MBNL1: variants seen among roughly 807,000 people sequenced by gnomAD.
MBNL1 encodes muscleblind like splicing regulator 1, also known as muscleblind-like protein 1.
In MBNL1, 8 loss-of-function variants were observed where a neutral mutation model predicts 42.2. The observed-to-expected ratio is 0.19, with a 90% CI of 0.11 to 0.34. MBNL1 has a LOEUF of 0.34. Among genes scored for constraint, MBNL1 ranks in the 10% least tolerant of loss-of-function variants. The pLI, the probability that MBNL1 is intolerant of heterozygous loss-of-function variation, is 1.00. For missense variants in MBNL1, 309 were observed against 495.3 expected (o/e 0.62, Z 3.57); for synonymous variants, 169 against 173.9 (o/e 0.97, Z 0.22).
chr3:152,252,024 G>T (rs1343495721), intron 2 of MBNL1, among the ~76,000 whole-genome samples: 1 of 151,942 alleles, frequency 6.6e-6, no homozygotes, highest in African/African-American at 2.4e-5. Context: ...GTATCTGTTT[G>T]TTACTGGTAT....
intron 2 of MBNL1, among the ~76,000 whole-genome samples, chr3:152,342,573 C>T (rs2093516206): frequency 6.6e-6 from 1 of 151,554 alleles, no homozygotes; most frequent in South Asian, 2.1e-4. Context: ...CACACACACA[C>T]ACACACACAC....
chr3:152,407,047 C>CTGTGTGTG lies in MBNL1; in HGVS notation c.175-7876_175-7869dup, dbSNP rs373321399. On this transcript the variant is annotated intron_variant, in intron 2 of 9. Coordinates refer to ENST00000324210, the MANE Select transcript of MBNL1 (RefSeq NM_021038.5). ...GGCAGTCTCAATAATTGTTAAGCCA[C>CTGTGTGTG]TGTGTGTGTGTGTGTGTGTGTGTGT... 9.0e-4 allele frequency among the ~76,000 whole-genome samples: 61 copies of CTGTGTGTG among 67,676 alleles called. 1 individual carries two copies. Among genetic ancestry groups the CTGTGTGTG allele is most frequent in the African/African-American group, 3.4e-3 (58 of 17,212 alleles). 44.4% of individuals were successfully genotyped at this position (67,676 alleles called of 152,430 possible).
At chr3:152,443,084 T>C (rs185214779) in intron 4 of MBNL1, among the ~76,000 whole-genome samples, 39 of 152,262 alleles carry the variant, frequency 2.6e-4, no homozygotes, top group African/African-American at 8.7e-4. Context: ...TTCTTAGTTA[T>C]TAAGTCTGCT....
intron 2 of MBNL1, among the ~76,000 whole-genome samples, chr3:152,254,247 A>G (rs1270640257): frequency 2.0e-5 from 3 of 152,138 alleles, no homozygotes; most frequent in Non-Finnish European, 2.9e-5. Flanking sequence ...GAGACAACAA[A>G]TAGACAGAGA....
chr3:152,302,917 G>A (rs2061329536), intron 2 of MBNL1, among the ~76,000 whole-genome samples: 1 of 151,930 alleles, frequency 6.6e-6, no homozygotes, highest in African/African-American at 2.4e-5. Context: ...AGGACCCTAT[G>A]AAATGGCTGT....
Position 152,367,458 on chromosome 3 carries a change from TTACTA to T in MBNL1, c.175-47480_175-47476del, listed in dbSNP as rs554652039. ...GGGCATTTGGATCGGTTCCAAGTCTTTACTATAGGGAATAGTGCTGCAATAAATAT... is the reference window on the plus strand; with the variant it reads ...GGGCATTTGGATCGGTTCCAAGTCTTTAGGGAATAGTGCTGCAATAAATAT... On this transcript the variant is annotated intron_variant, in intron 2 of 9. Transcript: ENST00000324210. Among the ~76,000 whole-genome samples the T allele has an allele frequency of 6.3e-3, 961 of 152,336 alleles. 9 individuals carry two copies. Among genetic ancestry groups the T allele is most frequent in the African/African-American group, 0.022 (918 of 41,572 alleles).
In MBNL1 at chr3:152,372,193, C is replaced by T. The variant is rs549022396; in HGVS notation, c.175-42748C>T. ...TCTCTAGACTGGTTATTCTAGTTAG[C>T]AATTCTTCTAACCTTCTTTCAAGGT... On this transcript the variant is annotated intron_variant, in intron 2 of 9. Coordinates refer to ENST00000324210, the MANE Select transcript of MBNL1 (RefSeq NM_021038.5). 2.0e-5 allele frequency among the ~76,000 whole-genome samples: 3 copies of T among 152,294 alleles called. No individual in the cohort carries two copies. The East Asian group carries it at 5.8e-4, about 29-fold the overall frequency.
intron 2 of MBNL1, among the ~76,000 whole-genome samples, chr3:152,313,187 T>A (rs371935587): frequency 6.6e-6 from 1 of 152,256 alleles, no homozygotes; most frequent in East Asian, 1.9e-4. Context: ...CACACCTGGC[T>A]GATTTTTTTT....
intron 1 of MBNL1, among the ~76,000 whole-genome samples, chr3:152,286,016 G>A (rs1308010207): frequency 6.6e-6 from 1 of 151,688 alleles, no homozygotes; most frequent in African/African-American, 2.4e-5. Flanking sequence ...TGTATAGAAT[G>A]TAGCACAAGC....
chr3:152,340,838 C>CCACTTT, intron 2 of MBNL1: 1 of 1,613,932 alleles, frequency 6.2e-7, no homozygotes, highest in Non-Finnish European at 8.5e-7. Flanking sequence ...CCACCTAAAG[C>CCACTTT]AGCCAGTGCT....
intron 2 of MBNL1, among the ~76,000 whole-genome samples, chr3:152,390,952 C>G (rs1397565625): frequency 6.6e-6 from 1 of 152,176 alleles, no homozygotes; most frequent in East Asian, 1.9e-4. Flanking sequence ...TTTCATTTAA[C>G]AAATCTAGAT....
intron 2 of MBNL1, among the ~76,000 whole-genome samples, chr3:152,308,529 T>G (rs1295841769): frequency 2.6e-5 from 4 of 152,164 alleles, no homozygotes; most frequent in Non-Finnish European, 4.4e-5. Flanking sequence ...AGTGAGGAGC[T>G]GGAGTCCAAA....
At chr3:152,258,531 T>C (rs1204909944) in intron 2 of MBNL1, among the ~76,000 whole-genome samples, 1 of 152,212 alleles carries the variant, frequency 6.6e-6, no homozygotes. Flanking sequence ...GAGGTGGGTA[T>C]GCCCTGTTGC....
At chr3:152,271,255 C>G (rs954744324) in intron 1 of MBNL1, among the ~76,000 whole-genome samples, 3 of 152,062 alleles carry the variant, frequency 2.0e-5, no homozygotes, top group African/African-American at 7.2e-5. Flanking sequence ...GCACAGAATT[C>G]CTATGAAATG....
chr3:152,365,652 C>T (rs779351265), intron 2 of MBNL1, among the ~76,000 whole-genome samples: 19 of 151,930 alleles, frequency 1.3e-4, no homozygotes, highest in Non-Finnish European at 2.2e-4. Context: ...TTAATTTTAC[C>T]TGGTGTCTTA....
At chr3:152,406,089 A>C (rs1483071187) in intron 2 of MBNL1, among the ~76,000 whole-genome samples, 1 of 152,204 alleles carries the variant, frequency 6.6e-6, no homozygotes, top group African/African-American at 2.4e-5. Context: ...CTGGGCTTTC[A>C]CAAGGTCATA....
rs1010405885 is a variant in MBNL1 at position 152,332,115 on chromosome 3, G to A, written c.174+31748G>A. On this transcript the variant is annotated intron_variant, in intron 2 of 9. Coordinates refer to ENST00000324210, the MANE Select transcript of MBNL1 (RefSeq NM_021038.5). ...CTATAATGGTTAAGTTGAGCAGTTG[G>A]AATCTGTATGTCTGTATCTATCTAT... is the stretch of plus-strand genomic sequence containing the variant. 3.1e-4 allele frequency among the ~76,000 whole-genome samples: 47 copies of A among 152,312 alleles called. 1 individual carries two copies. The highest frequency in any genetic ancestry group is 6.5e-5 in the Admixed American group (1 of 15,296).
chr3:152,339,348 A>G (rs2092414055), intron 2 of MBNL1, among the ~76,000 whole-genome samples: 1 of 152,110 alleles, frequency 6.6e-6, no homozygotes, highest in Non-Finnish European at 1.5e-5. Flanking sequence ...ACTTGTGGAG[A>G]GGTGGTAAGG....
At chr3:152,305,655 A>C (rs147597658) in intron 2 of MBNL1, among the ~76,000 whole-genome samples, 11 of 152,300 alleles carry the variant, frequency 7.2e-5, no homozygotes, top group South Asian at 2.1e-4. Flanking sequence ...AGTTATTAGC[A>C]TGTAGCAACT....
Sources: allele counts gnomAD v4.1 joint callset (sites outside exome capture counted in the v4.1 genomes callset), GRCh38; gene constraint gnomAD v4.1.1; transcripts MANE v1.5; gene names NCBI Gene and HGNC (gene_info 2026-07-23, HGNC 2026-07-21).